Variants in NRDC observed in about 807,000 individuals in gnomAD.
The protein encoded by NRDC is nardilysin.
A neutral mutation model predicts 147.1 loss-of-function variants in NRDC; 54 were observed. That is an observed-to-expected ratio of 0.37 (90% confidence interval 0.29 to 0.46). The LOEUF is 0.46. NRDC is among the 20% of genes least tolerant of loss of function. NRDC has a pLI of 1.00. For synonymous variants in NRDC, 440 were observed against 482.1 expected (o/e 0.91, Z 1.14); for missense variants, 1,082 against 1,370.6 (o/e 0.79, Z 3.33).
At chr1:51,854,744 C>T (rs1309271980) in intron 1 of NRDC, among the ~76,000 whole-genome samples, 2 of 152,122 alleles carry the variant, frequency 1.3e-5, no homozygotes, top group Admixed American at 6.6e-5. Flanking sequence ...GGCAACATAG[C>T]GAGACCCCAT....
intron 1 of NRDC, among the ~76,000 whole-genome samples, chr1:51,865,310 GT>G (rs200973191): frequency 1.8e-4 from 26 of 143,070 alleles, no homozygotes; most frequent in Non-Finnish European, 2.2e-4. Context: ...TTTTCGTTTT[GT>G]TTTTTTTTTT....
At chr1:51,802,096 A>C (rs556810731) in intron 20 of NRDC, among the ~76,000 whole-genome samples, 13 of 152,136 alleles carry the variant, frequency 8.5e-5, no homozygotes, top group Admixed American at 4.6e-4. Context: ...TGAGGTTTTT[A>C]TACTTAATTA....
intron 1 of NRDC, among the ~76,000 whole-genome samples, chr1:51,871,511 T>C (rs1683083589): frequency 8.9e-6 from 1 of 112,490 alleles, no homozygotes; most frequent in African/African-American, 3.7e-5. Flanking sequence ...CTCCACTGGT[T>C]CATTAAAAAA....
chr1:51,823,885 G>T, intron 6 of NRDC, 99 bp from the exon 7 acceptor site: 2 of 732,736 alleles, frequency 2.7e-6, no homozygotes, highest in Non-Finnish European at 4.3e-6. Context: ...CATGATTAAT[G>T]AAATAACCCA....
At chr1:51,860,323 T>G (rs1682466477) in intron 1 of NRDC, among the ~76,000 whole-genome samples, 1 of 152,202 alleles carries the variant, frequency 6.6e-6, no homozygotes, top group Non-Finnish European at 1.5e-5. Flanking sequence ...CTTCCCCAGA[T>G]AGAATTGTTT....
chr1:51,858,432 A>C (rs1682363016), intron 1 of NRDC, among the ~76,000 whole-genome samples: 2 of 151,092 alleles, frequency 1.3e-5, no homozygotes, highest in Non-Finnish European at 2.9e-5. Flanking sequence ...ATCAGCTGTG[A>C]CTGTGCCTTT....
intron 1 of NRDC, among the ~76,000 whole-genome samples, chr1:51,850,455 G>T (rs1454471301): frequency 6.6e-6 from 1 of 152,122 alleles, no homozygotes; most frequent in African/African-American, 2.4e-5. Context: ...AACAGAACAG[G>T]GACACCTTTT....
chr1:51,855,929 G>T (rs1005801607), intron 1 of NRDC, among the ~76,000 whole-genome samples: 4 of 152,040 alleles, frequency 2.6e-5, no homozygotes, highest in African/African-American at 9.6e-5. Context: ...AAGAACACAA[G>T]ATGTCAAATA....
intron 5 of NRDC, among the ~76,000 whole-genome samples, chr1:51,827,472 G>A (rs143248768): frequency 6.8e-4 from 103 of 152,302 alleles, no homozygotes; most frequent in African/African-American, 2.3e-3. Flanking sequence ...TTATAGCACA[G>A]ATCTATAATG....
At chr1:51,821,228 T>C (rs1369700759) in intron 8 of NRDC, among the ~76,000 whole-genome samples, 1 of 152,150 alleles carries the variant, frequency 6.6e-6, no homozygotes, top group African/African-American at 2.4e-5. Flanking sequence ...AGAAAAGCTC[T>C]AAATAAATGT....
At chr1:51,819,336 C>T (rs1220390750) in intron 9 of NRDC, among the ~76,000 whole-genome samples, 2 of 151,748 alleles carry the variant, frequency 1.3e-5, no homozygotes, top group African/African-American at 4.8e-5. Context: ...AATGACTTCT[C>T]TTCATGGTAA....
chr1:51,790,765 T>C, intron 28 of NRDC, 116 bp from the exon 29 acceptor site: 2 of 964,638 alleles, frequency 2.1e-6, no homozygotes, highest in Non-Finnish European at 3.3e-6. Context: ...GAGGCACGGA[T>C]GAAGCTAGGG....
At chr1:51,850,843 C>G (rs1440292632) in intron 1 of NRDC, among the ~76,000 whole-genome samples, 2 of 152,186 alleles carry the variant, frequency 1.3e-5, no homozygotes, top group Admixed American at 6.5e-5. Flanking sequence ...GGTTAGTCAC[C>G]TGGTCCTCCT....
chr1:51,812,291 C>T (rs1443705746), intron 14 of NRDC, among the ~76,000 whole-genome samples, 193 bp from the exon 15 acceptor site: 1 of 152,144 alleles, frequency 6.6e-6, no homozygotes, highest in East Asian at 1.9e-4. Context: ...GCCTGTAATC[C>T]CAGCATTTGG....
rs974028713 is a variant in NRDC at position 51,834,696 on chromosome 1, T to A, written c.713-526A>T. Among the ~76,000 whole-genome samples, 7 of 151,992 alleles carry A rather than the reference T, an allele frequency of 4.6e-5. No homozygotes were observed. In the South Asian group the frequency reaches 1.5e-3, roughly 32 times the overall value. ...TTACTTTTATACTAAAAAAAAAAAA[T>A]TTCATCTTTAAAGAAAGATAAGACG... On this transcript the variant is annotated intron_variant, in intron 3 of 30. Transcript: ENST00000352171.
intron 1 of NRDC, among the ~76,000 whole-genome samples, chr1:51,848,327 G>T (rs1398191132): frequency 2.0e-5 from 3 of 151,840 alleles, no homozygotes; most frequent in African/African-American, 7.3e-5. Flanking sequence ...TACAAAAAAA[G>T]AAAATTAGAC....
At chr1:51,791,992 C>G in intron 26 of NRDC, 54 bp downstream of exon 26, 1 of 1,579,012 alleles carries the variant, frequency 6.3e-7, no homozygotes, top group Non-Finnish European at 8.7e-7. Context: ...GAACAGCCTG[C>G]AAAGTAAGCC....
chr1:51,819,713 T>C (rs1468462158), intron 9 of NRDC, 87 bp downstream of exon 9: 1 of 1,052,132 alleles, frequency 9.5e-7, no homozygotes, highest in African/African-American at 1.6e-5. Context: ...TGTGTTCTCA[T>C]TTTCAATGAA....
Position 51,878,293 on chromosome 1 carries a change from C to T in NRDC, c.323G>A (p.Ser108Asn). The stretch of plus-strand genomic sequence containing the variant: ...CCCTCACCGGTATTGCTTGGGGTCG[C>T]TGGGAGACTTGACGATCTCAGGGTC... ...AGDPEIVKSP[S>N]DPKQYRYIKL... Residue 108 changes from serine to asparagine, a missense_variant, in exon 1 of 31, where the codon AGC becomes AAC. Physicochemically the swap from Ser to Asn is conservative, Grantham distance 46 (BLOSUM62 1). Transcript: ENST00000352171. 4 of 1,613,374 alleles carry T rather than the reference C, an allele frequency of 2.5e-6. No homozygotes were observed. The highest frequency in any genetic ancestry group is 2.5e-6 in the Non-Finnish European group (3 of 1,179,438).
Sources: gnomAD v4.1 joint callset for allele counts (sites outside exome capture counted in the v4.1 genomes callset) on GRCh38, gnomAD v4.1.1 for gene constraint, MANE v1.5 for transcripts, NCBI Gene and HGNC (gene_info 2026-07-23, HGNC 2026-07-21) for gene names.